The following PI4KA variants were observed in gnomAD, a reference collection of about 807,000 sequenced individuals.
PI4KA encodes the protein PI4-kinase alpha.
A neutral mutation model predicts 271.4 loss-of-function variants in PI4KA; 122 were observed. The observed-to-expected ratio is 0.45, with a 90% CI of 0.39 to 0.52. PI4KA has a LOEUF of 0.52. Ranked by LOEUF, PI4KA falls within the 20% of genes least tolerant of loss-of-function variation. The pLI, the probability that PI4KA is intolerant of heterozygous loss-of-function variation, is 0.00. For synonymous variants in PI4KA, 1,041 were observed against 1,078.8 expected (o/e 0.96, Z 0.69); for missense variants, 1,969 against 2,769.1 (o/e 0.71, Z 6.48).
chr22:20,795,595 A>G (rs1490083787), intron 18 of PI4KA, among the ~76,000 whole-genome samples: 2 of 152,228 alleles, frequency 1.3e-5, no homozygotes, highest in Non-Finnish European at 2.9e-5. Context: ...TATTCCTAAC[A>G]TGGTAGAGCG....
chr22:20,769,641 C>T (rs564151847), intron 19 of PI4KA, among the ~76,000 whole-genome samples: 1 of 150,564 alleles, frequency 6.6e-6, no homozygotes, highest in East Asian at 2.0e-4. Flanking sequence ...TGCACTGCAG[C>T]CTGGGCGACA....
chr22:20,837,478 A>G (rs549696254), intron 2 of PI4KA, among the ~76,000 whole-genome samples: 4 of 152,324 alleles, frequency 2.6e-5, no homozygotes, highest in African/African-American at 9.6e-5. Context: ...TTATTAAAAT[A>G]CTGCTCTATA....
chr22:20,811,382 T>A (rs940488434), intron 8 of PI4KA, among the ~76,000 whole-genome samples: 28 of 152,118 alleles, frequency 1.8e-4, no homozygotes, highest in African/African-American at 6.8e-4. Context: ...TTGTGTGACA[T>A]CCTCTTGCAA....
chr22:20,721,891 G>C (rs1568953987), intron 42 of PI4KA: 1 of 163,330 alleles, frequency 6.1e-6, no homozygotes, highest in African/African-American at 2.4e-5. Context: ...ATGTCATCTT[G>C]AATTGTAATC....
chr22:20,748,559 C>T (rs1342069226), intron 28 of PI4KA, among the ~76,000 whole-genome samples: 1 of 152,164 alleles, frequency 6.6e-6, no homozygotes, highest in African/African-American at 2.4e-5. Context: ...GGGGGCTCAG[C>T]CTGCAGGAGT....
Position 20,718,741 on chromosome 22 carries a change from C to T in PI4KA, c.5198G>A (p.Arg1733Gln), listed in dbSNP as rs770914654. The T allele has an allele frequency of 3.7e-6, 6 of 1,613,944 alleles. No individual in the cohort carries two copies. Among genetic ancestry groups the T allele is most frequent in the Admixed American group, 3.3e-5 (2 of 60,020 alleles). The change falls in exon 44 of 55, where the codon CGG becomes CAG. Residue 1733 changes from arginine to glutamine, a missense_variant. Arg to Gln is a conservative substitution (Grantham distance 43). Transcript: ENST00000255882. ...GATCTTGTTAAAGAAATCAAACTCC[C>T]GCTGGTAAAAGTCCTTCGCTGGGCC... is the stretch of plus-strand genomic sequence containing the variant. ...LSGPAKDFYQ[R>Q]EFDFFNKITN...
chr22:20,729,797 C>T (rs1271436713), intron 37 of PI4KA, 86 bp from the exon 38 acceptor site: 2 of 1,587,470 alleles, frequency 1.3e-6, no homozygotes, highest in Non-Finnish European at 1.7e-6. Flanking sequence ...GCTTGCAGTG[C>T]TCTGTTCTGC....
At chr22:20,745,203 C>T (rs1037695525) in intron 29 of PI4KA, among the ~76,000 whole-genome samples, 12 of 152,120 alleles carry the variant, frequency 7.9e-5, no homozygotes, top group African/African-American at 2.9e-4. Flanking sequence ...CAAAGGCAAC[C>T]CACAGAATGG....
intron 1 of PI4KA, among the ~76,000 whole-genome samples, chr22:20,840,558 G>A (rs1005301526): frequency 1.3e-5 from 2 of 152,238 alleles, no homozygotes; most frequent in Non-Finnish European, 2.9e-5. Flanking sequence ...TGCAGCAGCT[G>A]AGGAGACTCC....
chr22:20,740,431 A>G (rs1558656), intron 32 of PI4KA, among the ~76,000 whole-genome samples: 72,863 of 150,172 alleles, frequency 0.49, 18,248 homozygotes, highest in African/African-American at 0.58. Flanking sequence ...AAATTAAAAA[A>G]ATATTGACCT....
chr22:20,725,376 G>A (rs1318789436), intron 42 of PI4KA: 1 of 264,070 alleles, frequency 3.8e-6, no homozygotes. Flanking sequence ...TTATGTCCAT[G>A]GATACTGTTA....
chr22:20,841,084 C>G (rs563098164), intron 1 of PI4KA, among the ~76,000 whole-genome samples: 49 of 152,260 alleles, frequency 3.2e-4, no homozygotes, highest in African/African-American at 1.1e-3. Context: ...CCACCAAAAC[C>G]AAGATGTCTG....
chr22:20,837,581 C>A (rs1026463068), intron 2 of PI4KA, among the ~76,000 whole-genome samples: 1 of 151,932 alleles, frequency 6.6e-6, no homozygotes, highest in Admixed American at 6.6e-5. Flanking sequence ...GCAACCTGTT[C>A]TAGATAAATA....
intron 45 of PI4KA, among the ~76,000 whole-genome samples, chr22:20,717,200 G>C (rs1386735978): frequency 1.3e-5 from 2 of 152,014 alleles, no homozygotes; most frequent in African/African-American, 2.4e-5. Flanking sequence ...AAAAGAAATG[G>C]AGAGAGAGCT....
At chr22:20,709,127 C>T (rs1269915248) in intron 54 of PI4KA, among the ~76,000 whole-genome samples, 169 bp downstream of exon 54, 9 of 151,812 alleles carry the variant, frequency 5.9e-5, no homozygotes, top group Non-Finnish European at 1.2e-4. Context: ...ACCACAGCCC[C>T]CTAAACCAGC....
intron 19 of PI4KA, among the ~76,000 whole-genome samples, chr22:20,771,124 C>T (rs1365806861): frequency 6.6e-6 from 1 of 152,098 alleles, no homozygotes; most frequent in Admixed American, 6.6e-5. Flanking sequence ...TACTGCTCTA[C>T]AGTGGGGTTA....
chr22:20,846,391 T>TA (rs112454433), intron 1 of PI4KA, among the ~76,000 whole-genome samples: 16,131 of 150,676 alleles, frequency 0.11, 836 homozygotes, highest in Non-Finnish European at 0.11. Context: ...TCTCAATTAT[T>TA]AAAAAAAAAT....
At chr22:20,795,511 C>G (rs1353005110) in intron 18 of PI4KA, among the ~76,000 whole-genome samples, 5 of 152,180 alleles carry the variant, frequency 3.3e-5, no homozygotes, top group Non-Finnish European at 7.4e-5. Context: ...AAAGACACCC[C>G]TCTACGCAAA....
chr22:20,780,496 G>A (rs165768), intron 19 of PI4KA, among the ~76,000 whole-genome samples: 57,742 of 151,924 alleles, frequency 0.38, 11,457 homozygotes, highest in African/African-American at 0.48. Context: ...GGCTGGGCGC[G>A]GTGGCTCACG....
Sources: gnomAD v4.1 joint callset for allele counts (sites outside exome capture counted in the v4.1 genomes callset) on GRCh38, gnomAD v4.1.1 for gene constraint, MANE v1.5 for transcripts, NCBI Gene and HGNC (gene_info 2026-07-23, HGNC 2026-07-21) for gene names.